GRM6: variants seen among roughly 807,000 people sequenced by gnomAD.
The protein encoded by GRM6 is glutamate metabotropic receptor 6.
Under a neutral mutation model 78.4 loss-of-function variants are expected in GRM6, and 73 were observed. That is an observed-to-expected ratio of 0.93 (90% CI 0.77 to 1.13). The LOEUF (loss-of-function observed/expected upper bound fraction) is 1.13, where lower values mean the gene tolerates loss of function less well. Ranked by LOEUF, GRM6 falls within the 50% of genes most tolerant of loss-of-function variation. GRM6 has a pLI of 0.00. For missense variants in GRM6, 1,251 were observed against 1,256.4 expected, an observed-to-expected ratio of 1.00 and a Z score of 0.07; for synonymous variants, 580 against 555.0, an observed-to-expected ratio of 1.05 and a Z score of -0.63.
chr5:178,991,922 C>T lies in GRM6; in HGVS notation c.666G>A (p.Glu222=). 5 of 1,614,150 alleles carry T rather than the reference C, an allele frequency of 3.1e-6. No individual in the cohort carries two copies. Among genetic ancestry groups the T allele is most frequent in the Non-Finnish European group, 4.2e-6 (5 of 1,180,040 alleles). Residue 222 remains glutamate, a synonymous_variant, in exon 3 of 11, where the codon GAG becomes GAA. Coordinates refer to ENST00000517717, the MANE Select transcript of GRM6 (RefSeq NM_000843.4). The surrounding 1 kb of genome is among the most constrained non-coding windows in gnomAD (Gnocchi z 5.0). ...GWNYVSTLAS[E]GNYGESGVEA... is the part of the protein sequence containing the mutation. Reference sequence around the variant, plus strand: ...CAACCCCACTTTCGCCATAGTTGCCCTCGGAGGCCAGCGTGGACACATAGT... The same window carrying T: ...CAACCCCACTTTCGCCATAGTTGCCTTCGGAGGCCAGCGTGGACACATAGT...
At chr5:178,986,008 C>T (rs1760532470) in intron 9 of GRM6, 122 bp downstream of exon 9, 1 of 880,356 alleles carries the variant, frequency 1.1e-6, no homozygotes, top group African/African-American at 1.7e-5. Flanking sequence ...GTGATCCACC[C>T]ACCTCAGCCT....
intron 7 of GRM6, chr5:178,987,215 T>G (rs1760584910): frequency 1.5e-6 from 1 of 668,168 alleles, no homozygotes; most frequent in Non-Finnish European, 2.8e-6. Context: ...GGAACCCTTG[T>G]GCACGGTGGG....
rs1374775458 is a variant in GRM6 at position 178,978,895 on chromosome 5, C to CTATG, written c.*2761_*2762insCATA. On this transcript the variant is annotated 3_prime_UTR_variant, in exon 11 of 11. Transcript: ENST00000517717. ...AAATTGGACCTCAAAGAATTCAAAC[C>CTATG]CATGCATGCAAAAAAACAGGAAAAT... The CTATG allele has an allele frequency of 6.6e-6, 1 of 152,118 alleles. No homozygotes were observed. The highest frequency in any genetic ancestry group is 2.4e-5 in the African/African-American group (1 of 41,420). The allele number at this position is 152,118 out of a possible 1,614,324, so 9.4% of individuals were successfully genotyped here.
chr5:178,988,820 A>G lies in GRM6; in HGVS notation c.1354+115T>C. 1 of 827,238 alleles carries G rather than the reference A, an allele frequency of 1.2e-6. No homozygotes were observed. The allele number at this position is 827,238 out of a possible 1,614,324, so 51.2% of individuals were successfully genotyped here. Reference sequence around the variant, plus strand: ...TTGGCACTCAGCCCCAGGCACCCCCATTAGACCACTCAGCCTCACCCAGCC... The same window carrying G: ...TTGGCACTCAGCCCCAGGCACCCCCGTTAGACCACTCAGCCTCACCCAGCC... On this transcript the variant is annotated intron_variant, in intron 7 of 10. Coordinates refer to ENST00000517717, the MANE Select transcript of GRM6 (RefSeq NM_000843.4). This position sits in a 1 kb window ranked among gnomAD's most constrained non-coding sequence, Gnocchi z 6.0.
chr5:178,989,216 C>T (rs1760626462), intron 6 of GRM6, 49 bp downstream of exon 6: 1 of 1,183,508 alleles, frequency 8.4e-7, no homozygotes, highest in Non-Finnish European at 1.2e-6. Flanking sequence ...TCCCCACCCT[C>T]ACCACCCTCC....
chr5:178,993,048 CT>C (rs1760709893), intron 2 of GRM6, among the ~76,000 whole-genome samples: 1 of 152,170 alleles, frequency 6.6e-6, no homozygotes, highest in Non-Finnish European at 1.5e-5. Context: ...CCCATGCCCC[CT>C]GGACCTCCTG....
rs925158041 is a variant in GRM6, at chr5:178,979,563, G to A, written c.*2094C>T. On this transcript the variant is annotated 3_prime_UTR_variant, in exon 11 of 11. Coordinates refer to ENST00000517717, the MANE Select transcript of GRM6 (RefSeq NM_000843.4). ...ATGAACATGGCAGAGTGTGAAAGTC[G>A]TCTGCGGGAAGCCAGGACTCTATGC... The A allele has an allele frequency of 5.3e-5, 8 of 152,208 alleles. No individual in the cohort carries two copies. Among genetic ancestry groups the A allele is most frequent in the Admixed American group, 2.6e-4 (4 of 15,284 alleles). 9.4% of individuals were successfully genotyped at this position (152,208 alleles called of 1,614,324 possible).
rs2113347613 is a variant in GRM6, at chr5:178,994,536, G to A, written c.409C>T (p.Leu137=). The part of the protein sequence containing the change: ...GVRCPGGVPP[L]RPAPPERVVA... Reference sequence around the variant, plus strand: ...ACGCGCTCGGGGGGCGCGGGGCGCAGCGGAGGGACGCCTCCCGGGCAGCGC... The same window carrying A: ...ACGCGCTCGGGGGGCGCGGGGCGCAACGGAGGGACGCCTCCCGGGCAGCGC... The change falls in exon 2 of 11, where the codon CTG becomes TTG. Residue 137 remains leucine (L), a synonymous_variant. Transcript: ENST00000517717. The A allele has an allele frequency of 1.5e-5, 20 of 1,373,568 alleles. No homozygotes were observed. The highest frequency in any genetic ancestry group is 1.9e-5 in the Non-Finnish European group (20 of 1,070,702). The allele number at this position is 1,373,568 out of a possible 1,614,324, so 85.1% of individuals were successfully genotyped here.
At chr5:178,990,874 A>T in intron 4 of GRM6, 128 bp from the exon 5 acceptor site, 1 of 848,736 alleles carries the variant, frequency 1.2e-6, no homozygotes, top group Non-Finnish European at 1.8e-6. Context: ...CTCAGGAAAA[A>T]CGGGGCCGGG....
chr5:178,995,087 C>G (rs1267820322), intron 1 of GRM6, 127 bp from the exon 2 acceptor site: 1 of 401,326 alleles, frequency 2.5e-6, no homozygotes, highest in Non-Finnish European at 3.6e-6. Context: ...CACTTCGGCT[C>G]TGGGGAGTTA....
intron 9 of GRM6, 151 bp from the exon 10 acceptor site, chr5:178,983,372 C>G (rs777158877): frequency 1.3e-6 from 1 of 756,002 alleles, no homozygotes; most frequent in African/African-American, 1.7e-5. Flanking sequence ...CAGGAGCACT[C>G]AGTGGAGAAG....
At chr5:178,993,389 C>G (rs1341709991) in intron 2 of GRM6, among the ~76,000 whole-genome samples, 1 of 152,124 alleles carries the variant, frequency 6.6e-6, no homozygotes, top group African/African-American at 2.4e-5. Context: ...GTGAAAAACC[C>G]CTGGGCGGCC....
At position 178,986,369 on chromosome 5, in the gene GRM6, T is replaced by C. The variant is rs1760547558; in HGVS notation, c.1885A>G (p.Thr629Ala). Residue 629 changes from threonine (T) to alanine (A), a missense_variant, in exon 9 of 11, where the codon ACC (threonine) becomes GCC (alanine). By Grantham distance (58) the Thr-to-Ala change is moderately conservative (BLOSUM62 0). Coordinates refer to ENST00000517717, the MANE Select transcript of GRM6 (RefSeq NM_000843.4). ...SGRELSYVLL[T>A]GIFLIYAITF... ...ATGGCGTAGATGAGGAAGATGCCGG[T>C]GAGGAGGACGTAGCTGAGCTCTCGG... 1.2e-6 allele frequency: 2 copies of C among 1,613,804 alleles called. No individual in the cohort carries two copies. Among genetic ancestry groups the C allele is most frequent in the South Asian group, 1.1e-5 (1 of 91,080 alleles).
chr5:178,986,526 C>A lies in GRM6; in HGVS notation c.1728G>T (p.Val576=). ...PNHTGCRPTP[V]VRLSWSSPWA... Reference sequence around the variant, plus strand: ...AGGGGGAGGACCAGCTCAGGCGCACCACAGGTGTGGGGCGGCAGCCCGTGT... The same window carrying A: ...AGGGGGAGGACCAGCTCAGGCGCACAACAGGTGTGGGGCGGCAGCCCGTGT... Residue 576 remains valine (V), a synonymous_variant, in exon 9 of 11, where the codon GTG becomes GTT. Transcript: ENST00000517717. 6.2e-7 allele frequency: 1 copy of A among 1,608,684 alleles called. No individual in the cohort carries two copies. The highest frequency in any genetic ancestry group is 8.5e-7 in the Non-Finnish European group (1 of 1,178,626).
rs945907712 is a variant in GRM6 at position 178,986,699 on chromosome 5, T to A, written c.1555A>T (p.Ser519Cys). 6.2e-7 allele frequency: 1 copy of A among 1,604,716 alleles called. No homozygotes were observed. The highest frequency in any genetic ancestry group is 8.5e-7 in the Non-Finnish European group (1 of 1,179,758). ...CGCTCCCCCGGCCCGCAGGGCAGGC[T>A]GCACAGAGACGAGGGCACCTCGTGG... Reference protein sequence around the residue: ...DPHEVPSSLCSLPCGPGERKK... With the variant: ...DPHEVPSSLCCLPCGPGERKK... The change falls in exon 9 of 11, where the codon AGC becomes TGC. Residue 519 changes from serine (S) to cysteine (C), a missense_variant. Coordinates refer to ENST00000517717, the MANE Select transcript of GRM6 (RefSeq NM_000843.4).
chr5:178,983,308 C>G (rs1760442440), intron 9 of GRM6, 87 bp from the exon 10 acceptor site: 1 of 1,147,820 alleles, frequency 8.7e-7, no homozygotes, highest in Non-Finnish European at 1.3e-6. Flanking sequence ...GGGTCAGGAT[C>G]CCCTTGAGGC....
chr5:178,981,921 C>G lies in GRM6; in HGVS notation c.2437-67G>C. 1.0e-6 allele frequency: 1 copy of G among 958,638 alleles called. No homozygotes were observed. The highest frequency in any genetic ancestry group is 1.3e-5 in the South Asian group (1 of 77,430). The allele number at this position is 958,638 out of a possible 1,614,324, so 59.4% of individuals were successfully genotyped here. A position where few individuals can be genotyped will look rare whatever the true frequency, so the allele number is the denominator to read the frequency against. On this transcript the variant is annotated intron_variant, in intron 10 of 10. Transcript: ENST00000517717. This position sits in a 1 kb window ranked among gnomAD's most constrained non-coding sequence, Gnocchi z 5.1. ...TCTCCCTGCCCCGCTCCACACAGTC[C>G]TCACCACATACTCTGGAGCTGAGTC...
rs1048405085 is a variant in GRM6 at position 178,987,074 on chromosome 5, G to C, written c.1355-91C>G. 5 of 1,340,412 alleles carry C rather than the reference G, an allele frequency of 3.7e-6. No homozygotes were observed. In the African/African-American group the frequency reaches 7.2e-5, roughly 19 times the overall value. 83.0% of individuals were successfully genotyped at this position (1,340,412 alleles called of 1,614,324 possible). ...CCCAGGGACCAGCAGGAGAAAGGAG[G>C]AGCTTAACAAGCATCACTGCTCATA... On this transcript the variant is annotated intron_variant, in intron 7 of 10. Coordinates refer to ENST00000517717, the MANE Select transcript of GRM6 (RefSeq NM_000843.4).
In GRM6 at chr5:178,990,394, C is replaced by A. The variant is rs77554734; in HGVS notation, c.1012+198G>T. 3.4e-3 allele frequency among the ~76,000 whole-genome samples: 513 copies of A among 152,372 alleles called. 5 individuals are homozygous for A. Among genetic ancestry groups the A allele is most frequent in the African/African-American group, 0.011 (477 of 41,588 alleles). ...ATTCCTCCCCGTCCAGTGAGTGGAG[C>A]GTGCTTTCCTCGCACGCCATCCCAG... On this transcript the variant is annotated intron_variant, in intron 5 of 10. Transcript: ENST00000517717.
Sources: gnomAD v4.1 joint callset for allele counts (sites outside exome capture counted in the v4.1 genomes callset) on GRCh38, gnomAD v4.1.1 for gene constraint, Gnocchi (gnomAD v3.1) non-coding constraint, MANE v1.5 for transcripts, NCBI Gene and HGNC (gene_info 2026-07-23, HGNC 2026-07-21) for gene names.